The following ANKRD12 variants were observed in gnomAD, a reference collection of about 807,000 sequenced individuals.
The protein encoded by ANKRD12 is ankyrin repeat domain 12.
Under a neutral mutation model 183.4 loss-of-function variants are expected in ANKRD12, and 85 were observed. That is an observed-to-expected ratio of 0.46 (90% CI 0.39 to 0.56). The LOEUF is 0.56. Among genes scored for constraint, ANKRD12 ranks in the 20% least tolerant of loss-of-function variants. ANKRD12 has a pLI of 0.00. For missense variants in ANKRD12, 2,405 were observed against 2,357.1 expected, an observed-to-expected ratio of 1.02 and a Z score of -0.42; for synonymous variants, 914 against 800.2, an observed-to-expected ratio of 1.14 and a Z score of -2.40.
At chr18:9,217,216 T>TA (rs2036158838) in intron 7 of ANKRD12, among the ~76,000 whole-genome samples, 1 of 152,214 alleles carries the variant, frequency 6.6e-6, no homozygotes, top group African/African-American at 2.4e-5. Flanking sequence ...TGTACAGTGT[T>TA]GAATTGCCTA....
Position 9,254,356 on chromosome 18 carries a change from C to A in ANKRD12, c.1089C>A (p.Phe363Leu). Residue 363 changes from phenylalanine (F) to leucine (L), a missense_variant, in exon 9 of 13, where the codon TTC becomes TTA. Around this residue, in one of 7 missense-constraint regions of ANKRD12, gnomAD observed 1,983 missense variants for 1,725.9 expected, o/e 1.15. Transcript: ENST00000262126. ...CATCTGCCCTTGATGAGTATGAGTT[C>A]AAAGATGATGATGATGAAGAAATTA... ...PLPSALDEYE[F>L]KDDDDEEINK... 1.2e-6 allele frequency: 2 copies of A among 1,611,522 alleles called. No homozygotes were observed. The highest frequency in any genetic ancestry group is 1.1e-5 in the South Asian group (1 of 90,456).
chr18:9,159,814 T>A (rs78310586), intron 1 of ANKRD12, among the ~76,000 whole-genome samples: 29 of 151,418 alleles, frequency 1.9e-4, no homozygotes, highest in African/African-American at 4.4e-4. Context: ...TTTTTTTTTT[T>A]AATTATTTGA....
intron 1 of ANKRD12, among the ~76,000 whole-genome samples, chr18:9,174,615 G>T (rs548052072): frequency 2.0e-5 from 3 of 152,198 alleles, no homozygotes; most frequent in Non-Finnish European, 4.4e-5. Flanking sequence ...GGGTTCCTTT[G>T]GCTCCCCAGT....
Position 9,254,227 on chromosome 18 carries a change from A to G in ANKRD12, c.960A>G (p.Gln320=). 1 of 1,560,990 alleles carries G rather than the reference A, an allele frequency of 6.4e-7. No individual in the cohort carries two copies. The highest frequency in any genetic ancestry group is 8.6e-7 in the Non-Finnish European group (1 of 1,157,642). The part of the protein sequence containing the change: ...DESYTDSEEA[Q]SVNPSSVDEN... ...TTATTCTAGATTCCGAAGAGGCTCA[A>G]TCTGTAAATCCTTCTAGTGTTGATG... The change falls in exon 9 of 13, where the codon CAA becomes CAG. Residue 320 remains glutamine, a synonymous_variant. Transcript: ENST00000262126.
Position 9,254,323 on chromosome 18 carries a change from A to G in ANKRD12, c.1056A>G (p.Thr352=), listed in dbSNP as rs1372851235. The G allele has an allele frequency of 6.2e-7, 1 of 1,612,680 alleles. No individual in the cohort carries two copies. Among genetic ancestry groups the G allele is most frequent in the Non-Finnish European group, 8.5e-7 (1 of 1,179,458 alleles). The change falls in exon 9 of 13, where the codon ACA becomes ACG. Residue 352 remains threonine (T), a synonymous_variant. Coordinates refer to ENST00000262126, the MANE Select transcript of ANKRD12 (RefSeq NM_015208.5). ...CESKQILPSK[T]PLPSALDEYE... ...GTAAACAGATACTTCCCAGTAAAACACCTCTTCCATCTGCCCTTGATGAGT... is the reference window on the plus strand; with the variant it reads ...GTAAACAGATACTTCCCAGTAAAACGCCTCTTCCATCTGCCCTTGATGAGT...
At chr18:9,178,331 C>CTT (rs1311229586) in intron 1 of ANKRD12, among the ~76,000 whole-genome samples, 1 of 76,184 alleles carries the variant, frequency 1.3e-5, no homozygotes, top group African/African-American at 4.4e-5. Context: ...TTCTCTCTCT[C>CTT]TCTCTCTCTC....
intron 11 of ANKRD12, among the ~76,000 whole-genome samples, chr18:9,277,367 G>A (rs896709520): frequency 9.5e-5 from 12 of 126,338 alleles, no homozygotes; most frequent in African/African-American, 3.4e-4. Context: ...TGGCTCTGTC[G>A]CCCAGGCTGG....
chr18:9,212,516 A>G (rs1451906331), intron 6 of ANKRD12, among the ~76,000 whole-genome samples: 1 of 151,542 alleles, frequency 6.6e-6, no homozygotes, highest in African/African-American at 2.4e-5. Context: ...CTACTCCATT[A>G]ATTTTTAATA....
chr18:9,216,849 A>G lies in ANKRD12; in HGVS notation c.744A>G (p.Gly248=). 1.2e-6 allele frequency: 2 copies of G among 1,613,666 alleles called. No individual in the cohort carries two copies. Among genetic ancestry groups the G allele is most frequent in the Non-Finnish European group, 1.7e-6 (2 of 1,179,708 alleles). ...CTGGAGCAGATGTTAACACACAAGG[A>G]TTAGATGATGACACTCCACTCCATG... The part of the protein sequence containing the change: ...IAAGADVNTQ[G]LDDDTPLHDS... Residue 248 remains glycine, a synonymous_variant, in exon 7 of 13, where the codon GGA becomes GGG. Coordinates refer to ENST00000262126, the MANE Select transcript of ANKRD12 (RefSeq NM_015208.5).
intron 4 of ANKRD12, among the ~76,000 whole-genome samples, chr18:9,205,404 T>A (rs1238250816): frequency 1.2e-4 from 19 of 152,028 alleles, no homozygotes; most frequent in Non-Finnish European, 1.5e-4. Context: ...AAACCTGTTT[T>A]ATACACTTTT....
rs1488147813 is a variant in ANKRD12 at position 9,257,670 on chromosome 18, T to C, written c.4403T>C (p.Leu1468Pro). Residue 1468 changes from leucine (L) to proline (P), a missense_variant, in exon 9 of 13, where the codon CTG (leucine) becomes CCG (proline). Physicochemically the swap from Leu to Pro is moderately conservative, Grantham distance 98 (BLOSUM62 -3). Around this residue, in one of 7 missense-constraint regions of ANKRD12, gnomAD observed 1,983 missense variants for 1,725.9 expected, o/e 1.15. Coordinates refer to ENST00000262126, the MANE Select transcript of ANKRD12 (RefSeq NM_015208.5). ...VLKENADFLS[L>P]RQTELPGNSC... Reference sequence around the variant, plus strand: ...AAAGAAAATGCTGATTTTTTATCCCTGCGCCAGACTGAACTGCCAGGAAAC... The same window carrying C: ...AAAGAAAATGCTGATTTTTTATCCCCGCGCCAGACTGAACTGCCAGGAAAC... 2 of 1,614,008 alleles carry C rather than the reference T, an allele frequency of 1.2e-6. No homozygotes were observed. Among genetic ancestry groups the C allele is most frequent in the Admixed American group, 1.7e-5 (1 of 59,978 alleles).
intron 8 of ANKRD12, among the ~76,000 whole-genome samples, chr18:9,249,406 A>G (rs2038153912): frequency 6.6e-6 from 1 of 152,188 alleles, no homozygotes; most frequent in African/African-American, 2.4e-5. Context: ...TTAAGCACTT[A>G]CTCATCTAGA....
At chr18:9,230,078 G>T (rs1330505669) in intron 8 of ANKRD12, among the ~76,000 whole-genome samples, 1 of 152,032 alleles carries the variant, frequency 6.6e-6, no homozygotes, top group African/African-American at 2.4e-5. Flanking sequence ...GTAATTCTTT[G>T]TACTTCTTTG....
At chr18:9,238,525 C>A (rs2037475879) in intron 8 of ANKRD12, among the ~76,000 whole-genome samples, 1 of 152,180 alleles carries the variant, frequency 6.6e-6, no homozygotes, top group African/African-American at 2.4e-5. Context: ...TTCATCTGCA[C>A]ATATAAGTCA....
At chr18:9,197,930 A>T (rs2144454766) in intron 3 of ANKRD12, among the ~76,000 whole-genome samples, 1 of 152,286 alleles carries the variant, frequency 6.6e-6, no homozygotes, top group African/African-American at 2.4e-5. Flanking sequence ...GTAATAGATG[A>T]CGTCTTTGGT....
At position 9,281,998 on chromosome 18, in the gene ANKRD12, C is replaced by A. The variant is rs548916849; in HGVS notation, c.*872C>A. 1 of 152,642 alleles carries A rather than the reference C, an allele frequency of 6.6e-6. No individual in the cohort carries two copies. Among genetic ancestry groups the A allele is most frequent in the East Asian group, 1.9e-4 (1 of 5,192 alleles). The allele number at this position is 152,642 out of a possible 1,614,324, so 9.5% of individuals were successfully genotyped here. ...TAGACCTGTGACTTACTGTGTTGGA[C>A]ATATTATTTAGACTTAGTCATACAA... On this transcript the variant is annotated 3_prime_UTR_variant, in exon 13 of 13. Coordinates refer to ENST00000262126, the MANE Select transcript of ANKRD12 (RefSeq NM_015208.5).
chr18:9,254,249 G>C lies in ANKRD12; in HGVS notation c.982G>C (p.Asp328His). The change falls in exon 9 of 13, where the codon GAT (aspartate) becomes CAT (histidine). Residue 328 changes from aspartate (D) to histidine (H), a missense_variant. This residue lies in a region of ANKRD12 where 1,983 missense variants were observed against 1,725.9 expected (regional missense o/e 1.15). Coordinates refer to ENST00000262126, the MANE Select transcript of ANKRD12 (RefSeq NM_015208.5). ...EAQSVNPSSV[D>H]ENIDSETEKD... ...TCAATCTGTAAATCCTTCTAGTGTTGATGAAAATATTGACTCTGAAACAGA... is the reference window on the plus strand; with the variant it reads ...TCAATCTGTAAATCCTTCTAGTGTTCATGAAAATATTGACTCTGAAACAGA... The C allele has an allele frequency of 6.3e-7, 1 of 1,595,740 alleles. No homozygotes were observed. The highest frequency in any genetic ancestry group is 2.3e-5 in the East Asian group (1 of 44,398).
intron 8 of ANKRD12, among the ~76,000 whole-genome samples, chr18:9,236,932 A>G (rs1278774970): frequency 1.3e-5 from 2 of 152,206 alleles, no homozygotes; most frequent in Non-Finnish European, 2.9e-5. Flanking sequence ...AAGATAGACT[A>G]CTGAGAGAAA....
chr18:9,170,104 C>G (rs1182795782), intron 1 of ANKRD12, among the ~76,000 whole-genome samples: 1 of 152,210 alleles, frequency 6.6e-6, no homozygotes, highest in Non-Finnish European at 1.5e-5. Context: ...ATGGGCTTGC[C>G]TTTGTGGGTA....
Sources: gnomAD v4.1 joint callset for allele counts (sites outside exome capture counted in the v4.1 genomes callset) on GRCh38, gnomAD v4.1.1 for gene constraint, gnomAD v4.1.1 regional missense constraint, MANE v1.5 for transcripts, NCBI Gene and HGNC (gene_info 2026-07-23, HGNC 2026-07-21) for gene names.